LOXHD1: variants seen among roughly 807,000 people sequenced by gnomAD.
LOXHD1 encodes the protein lipoxygenase homology PLAT domains 1, also known as lipoxygenase homology domain-containing protein 1.
LOXHD1 carries 205 observed loss-of-function variants against 248.2 expected under a neutral mutation model. The ratio of observed to expected loss-of-function variants is 0.83; its 90% CI spans 0.74 to 0.93. The LOEUF is 0.93. Ranked by LOEUF, LOXHD1 falls within the 40% of genes least tolerant of loss-of-function variation. The pLI, the probability that LOXHD1 is intolerant of heterozygous loss-of-function variation, is 0.00. For synonymous variants in LOXHD1, 1,113 were observed against 1,162.8 expected, an observed-to-expected ratio of 0.96 and a Z score of 0.87; for missense variants, 2,930 against 2,971.6, an observed-to-expected ratio of 0.99 and a Z score of 0.33.
chr18:46,552,734 T>C (rs1407859064), intron 21 of LOXHD1, among the ~76,000 whole-genome samples: 1 of 152,224 alleles, frequency 6.6e-6, no homozygotes, highest in Non-Finnish European at 1.5e-5. Flanking sequence ...CTGTAAAATC[T>C]GGCCAACCAA....
rs2036577120 is a variant in LOXHD1, at chr18:46,541,896, G to C, written c.3793C>G (p.Pro1265Ala). 47 of 1,551,670 alleles carry C rather than the reference G, an allele frequency of 3.0e-5. No homozygotes were observed. Among genetic ancestry groups the C allele is most frequent in the Non-Finnish European group, 4.0e-5 (46 of 1,147,004 alleles). ...WFVDWVEVDAPSLGKCMTFPC... is the reference protein window; with the variant it reads ...WFVDWVEVDAASLGKCMTFPC... ...AACGTCATGCACTTCCCAAGAGATGGGGCATCCACCTCTACCCAGTCTACA... is the reference window on the plus strand; with the variant it reads ...AACGTCATGCACTTCCCAAGAGATGCGGCATCCACCTCTACCCAGTCTACA... The change falls in exon 25 of 41, where the codon CCA becomes GCA. Residue 1265 changes from proline to alanine, a missense_variant. Transcript: ENST00000642948.
Position 46,485,076 on chromosome 18 carries a change from T to A in LOXHD1, c.6125A>T (p.Lys2042Met). ...CATGAGAAACTCTTTGGATCGGTTCTTCCTGCCCTCCAGGATGAGCCAGAC... is the reference window on the plus strand; with the variant it reads ...CATGAGAAACTCTTTGGATCGGTTCATCCTGCCCTCCAGGATGAGCCAGAC... ...ENVWLILEGR[K>M]NRSKEFLMEN... The change falls in exon 39 of 41, where the codon AAG (lysine) becomes ATG (methionine). Residue 2042 changes from lysine (K) to methionine (M), a missense_variant. Physicochemically the swap from Lys to Met is moderately conservative, Grantham distance 95 (BLOSUM62 -1). Coordinates refer to ENST00000642948, the MANE Select transcript of LOXHD1 (RefSeq NM_001384474.1). The A allele has an allele frequency of 6.4e-7, 1 of 1,550,940 alleles. No individual in the cohort carries two copies.
At chr18:46,652,452 A>G (rs1330595396) in intron 1 of LOXHD1, among the ~76,000 whole-genome samples, 1 of 152,270 alleles carries the variant, frequency 6.6e-6, no homozygotes, top group Non-Finnish European at 1.5e-5. Context: ...GCCAATAGAC[A>G]TATGGAAAAG....
chr18:46,639,512 A>G, intron 4 of LOXHD1, 104 bp downstream of exon 4: 2 of 1,336,828 alleles, frequency 1.5e-6, no homozygotes, highest in South Asian at 3.0e-5. Flanking sequence ...GCATGCCAAG[A>G]TGAGGTAGGT....
chr18:46,514,355 C>G (rs2035133903), intron 34 of LOXHD1, among the ~76,000 whole-genome samples: 1 of 152,170 alleles, frequency 6.6e-6, no homozygotes, highest in African/African-American at 2.4e-5. Context: ...TTCCTCTTCT[C>G]TCAGACCACC....
chr18:46,482,259 C>T (rs1456246463), intron 40 of LOXHD1, among the ~76,000 whole-genome samples: 17 of 152,130 alleles, frequency 1.1e-4, no homozygotes, highest in Non-Finnish European at 2.2e-4. Context: ...AGCTGGAACC[C>T]CCAATGCCAT....
chr18:46,654,175 A>C (rs2039149616), intron 1 of LOXHD1, among the ~76,000 whole-genome samples: 1 of 152,236 alleles, frequency 6.6e-6, no homozygotes, highest in African/African-American at 2.4e-5. Flanking sequence ...AGATACTGGC[A>C]CCTTGATCTT....
rs2038939152 is a variant in LOXHD1, at chr18:46,639,705, T to C, written c.422A>G (p.Asn141Ser). The C allele has an allele frequency of 1.9e-6, 3 of 1,551,716 alleles. No individual in the cohort carries two copies. The highest frequency in any genetic ancestry group is 2.7e-5 in the African/African-American group (2 of 73,150). Residue 141 changes from asparagine (N) to serine (S), a missense_variant, in exon 4 of 41, where the codon AAC (asparagine) becomes AGC (serine). Asn to Ser is a conservative substitution (Grantham distance 46). Transcript: ENST00000642948. ...CACCTTGCTCAGCCAGTTGTTGCAG[T>C]TGAAGTAGTAACGGAGATGAGGCCT... The part of the protein sequence containing the change: ...MKRPHLRYYF[N>S]CNNWLSKVEG...
At chr18:46,651,933 A>G (rs575976888) in intron 1 of LOXHD1, among the ~76,000 whole-genome samples, 2 of 152,380 alleles carry the variant, frequency 1.3e-5, no homozygotes, top group African/African-American at 4.8e-5. Context: ...AGACCTGCAC[A>G]CAAATGTTCA....
intron 37 of LOXHD1, 96 bp downstream of exon 37, chr18:46,505,742 G>T: frequency 7.7e-7 from 1 of 1,304,506 alleles, no homozygotes; most frequent in Non-Finnish European, 1.1e-6. Flanking sequence ...CCACCCTGGG[G>T]TAATCAGAGT....
chr18:46,529,886 G>A (rs535278696), intron 28 of LOXHD1, among the ~76,000 whole-genome samples: 10 of 152,176 alleles, frequency 6.6e-5, no homozygotes, highest in African/African-American at 1.9e-4. Flanking sequence ...ACTCCTCACC[G>A]AAGCCACTGT....
At position 46,563,220 on chromosome 18, in the gene LOXHD1, G is replaced by T; in HGVS notation, c.2443C>A (p.His815Asn). Residue 815 changes from histidine to asparagine, a missense_variant, in exon 18 of 41, where the codon CAC becomes AAC. Physicochemically the swap from His to Asn is moderately conservative, Grantham distance 68. Coordinates refer to ENST00000642948, the MANE Select transcript of LOXHD1 (RefSeq NM_001384474.1). ...CCTGTCCAAATCTCAACCTCATAGT[G>T]GACCACTGGGTGGGCACGTGCAGAA... ...SEVVEIQKLV[H>N]YEVEIWTGDV... 6.7e-7 allele frequency: 1 copy of T among 1,501,042 alleles called. No individual in the cohort carries two copies. The highest frequency in any genetic ancestry group is 1.3e-5 in the South Asian group (1 of 79,648). 93.0% of individuals were successfully genotyped at this position (1,501,042 alleles called of 1,614,324 possible). A position where few individuals can be genotyped will look rare whatever the true frequency, so the allele number is the denominator to read the frequency against.
intron 3 of LOXHD1, among the ~76,000 whole-genome samples, chr18:46,641,575 C>A (rs576020965): frequency 6.6e-6 from 1 of 152,274 alleles, no homozygotes; most frequent in East Asian, 1.9e-4. Flanking sequence ...CGATGAGGCA[C>A]CATTTTTACA....
At chr18:46,655,236 C>T (rs2039165042) in intron 1 of LOXHD1, among the ~76,000 whole-genome samples, 1 of 152,202 alleles carries the variant, frequency 6.6e-6, no homozygotes, top group Non-Finnish European at 1.5e-5. Flanking sequence ...CACTTAATGT[C>T]TCAGGGCCTC....
intron 9 of LOXHD1, 67 bp downstream of exon 9, chr18:46,594,264 G>T (rs774970979): frequency 1.6e-5 from 25 of 1,540,986 alleles, no homozygotes; most frequent in Non-Finnish European, 1.9e-5. Context: ...TTGCCTAGTG[G>T]TCTGACATTC....
rs543197222 is a variant in LOXHD1, at chr18:46,634,716, C to A, written c.511+4900G>T. ...CCAAGCATTCTGGACTAGACTCACC[C>A]TGTATAAGATTCCTGGATTAGCCAA... On this transcript the variant is annotated intron_variant, in intron 4 of 40. Coordinates refer to ENST00000642948, the MANE Select transcript of LOXHD1 (RefSeq NM_001384474.1). Among the ~76,000 whole-genome samples the A allele has an allele frequency of 7.2e-5, 11 of 152,214 alleles. No homozygotes were observed. The South Asian group carries it at 2.3e-3, about 32-fold the overall frequency.
Position 46,589,089 on chromosome 18 carries a change from C to A in LOXHD1, c.1654+2844G>T, listed in dbSNP as rs193265599. On this transcript the variant is annotated intron_variant, in intron 12 of 40. Transcript: ENST00000642948. ...CTGAAAGAATGAGGGTCGTGATCAA[C>A]TCAGTATACCACTGGAGGCTATATG... Among the ~76,000 whole-genome samples the A allele has an allele frequency of 4.5e-4, 69 of 152,278 alleles. 4 individuals carry two copies. Among genetic ancestry groups the A allele is most frequent in the Admixed American group, 1.7e-3 (26 of 15,286 alleles).
intron 17 of LOXHD1, 135 bp from the exon 18 acceptor site, chr18:46,563,360 C>T (rs532147928): frequency 2.5e-6 from 2 of 812,264 alleles, no homozygotes; most frequent in Non-Finnish European, 1.8e-6. Context: ...TAATCCTCTC[C>T]TCAACACCCT....
Position 46,483,581 on chromosome 18 carries a change from A to T in LOXHD1, c.6341+6T>A. On this transcript the variant is annotated splice_donor_region_variant and intron_variant, in intron 40 of 40. Coordinates refer to ENST00000642948, the MANE Select transcript of LOXHD1 (RefSeq NM_001384474.1). ...GCACTTCCTTGGGGAGAGGCTCAGT[A>T]CATACACATTGCCGTACTCCATCTC... The T allele has an allele frequency of 6.4e-7, 1 of 1,551,444 alleles. No individual in the cohort carries two copies. Among genetic ancestry groups the T allele is most frequent in the Non-Finnish European group, 8.7e-7 (1 of 1,146,928 alleles).
Sources: allele counts gnomAD v4.1 joint callset (sites outside exome capture counted in the v4.1 genomes callset), GRCh38; gene constraint gnomAD v4.1.1; transcripts MANE v1.5; gene names NCBI Gene and HGNC (gene_info 2026-07-23, HGNC 2026-07-21).